The following C11orf54 variants were observed in gnomAD, a reference collection of about 807,000 sequenced individuals.
C11orf54 encodes beta-keto-L-gulonate decarboxylase.
C11orf54 carries 29 observed loss-of-function variants against 35.5 expected under a neutral mutation model. That is an observed-to-expected ratio of 0.82 (90% CI 0.61 to 1.11). The LOEUF (loss-of-function observed/expected upper bound fraction) is 1.11. Ranked by LOEUF, C11orf54 falls within the 50% of genes most tolerant of loss-of-function variation. C11orf54 has a pLI of 0.00. For missense variants in C11orf54, 373 were observed against 369.2 expected (o/e 1.01, Z -0.08); for synonymous variants, 108 against 121.1 (o/e 0.89, Z 0.71).
chr11:93,743,803 A>G (rs1284644736), intron 1 of C11orf54, among the ~76,000 whole-genome samples: 1 of 152,180 alleles, frequency 6.6e-6, no homozygotes, highest in Non-Finnish European at 1.5e-5. Context: ...CTACCCCTCC[A>G]GGTGTTAACC....
intron 2 of C11orf54, 65 bp from the exon 3 acceptor site, chr11:93,750,281 C>T (rs1942744918): frequency 7.5e-7 from 1 of 1,328,044 alleles, no homozygotes; most frequent in South Asian, 1.2e-5. Flanking sequence ...CCACATACCA[C>T]TTTTGATACG....
intron 3 of C11orf54, 142 bp from the exon 4 acceptor site, chr11:93,753,540 A>G: frequency 1.5e-6 from 1 of 677,148 alleles, no homozygotes; most frequent in East Asian, 2.7e-5. Flanking sequence ...CAGGGGTTCT[A>G]GCCACTATGT....
At position 93,764,444 on chromosome 11, in the gene C11orf54, C is replaced by T. The variant is rs78916458; in HGVS notation, c.*2756C>T. The T allele has an allele frequency of 2.0e-5, 3 of 152,066 alleles. No homozygotes were observed. Among genetic ancestry groups the T allele is most frequent in the South Asian group, 2.1e-4 (1 of 4,820 alleles). 9.4% of individuals were successfully genotyped at this position (152,066 alleles called of 1,614,324 possible). A position where few individuals can be genotyped will look rare whatever the true frequency, so the allele number is the denominator to read the frequency against. On this transcript the variant is annotated 3_prime_UTR_variant, in exon 9 of 9. Transcript: ENST00000354421. ...GAACATCTATTTATATATTTTATTT[C>T]GTCCTTTTAAGTTTCTGTGGTTTTG...
intron 5 of C11orf54, 44 bp downstream of exon 5, chr11:93,754,081 T>C: frequency 6.4e-7 from 1 of 1,550,962 alleles, no homozygotes; most frequent in Non-Finnish European, 8.8e-7. Context: ...TGGTTTGACA[T>C]TTGGTTTGTC....
intron 2 of C11orf54, 42 bp from the exon 3 acceptor site, chr11:93,750,304 T>G: frequency 6.4e-7 from 1 of 1,564,462 alleles, no homozygotes; most frequent in Non-Finnish European, 8.8e-7. Flanking sequence ...GTAGCCAAGT[T>G]TTTACCTAAT....
chr11:93,750,680 T>G (rs781634434), intron 3 of C11orf54, among the ~76,000 whole-genome samples: 3 of 152,240 alleles, frequency 2.0e-5, no homozygotes, highest in Non-Finnish European at 2.9e-5. Flanking sequence ...GATTGTAGAA[T>G]AGATATCCAA....
intron 2 of C11orf54, among the ~76,000 whole-genome samples, chr11:93,750,088 C>T (rs1942731344): frequency 6.6e-6 from 1 of 152,232 alleles, no homozygotes; most frequent in South Asian, 2.1e-4. Flanking sequence ...AGGTAATCCT[C>T]ACCCTCACAC....
intron 2 of C11orf54, among the ~76,000 whole-genome samples, chr11:93,747,950 G>A (rs1942573333): frequency 6.6e-6 from 1 of 152,114 alleles, no homozygotes; most frequent in Admixed American, 6.5e-5. Flanking sequence ...AGGGAAGATA[G>A]TCAAAAAAAG....
In C11orf54 at chr11:93,757,360, T is replaced by C; in HGVS notation, c.552T>C (p.Phe184=). The part of the protein sequence containing the change: ...KAKRRTGPLN[F]VTCMRETLEK... ...AAAGAAGAACTGGACCACTTAACTT[T>C]GTGACTTGTATGAGAGAGACCCTGG... The change falls in exon 7 of 9, where the codon TTT becomes TTC. Residue 184 remains phenylalanine, a synonymous_variant. Transcript: ENST00000354421. 1 of 1,598,300 alleles carries C rather than the reference T, an allele frequency of 6.3e-7. No homozygotes were observed. Among genetic ancestry groups the C allele is most frequent in the Non-Finnish European group, 8.5e-7 (1 of 1,179,766 alleles).
At chr11:93,744,325 T>G (rs1289072653) in intron 1 of C11orf54, among the ~76,000 whole-genome samples, 3 of 152,218 alleles carry the variant, frequency 2.0e-5, no homozygotes, top group Non-Finnish European at 4.4e-5. Context: ...TGTTTCTACT[T>G]TGGTAGGGAC....
rs1354949383 is a variant in C11orf54, at chr11:93,764,404, G to C, written c.*2716G>C. Reference sequence around the variant, plus strand: ...AGCAGGTACACATGACCTTCCAAGGGGTGTGGGAATATTAGAACATCTATT... The same window carrying C: ...AGCAGGTACACATGACCTTCCAAGGCGTGTGGGAATATTAGAACATCTATT... On this transcript the variant is annotated 3_prime_UTR_variant, in exon 9 of 9. Transcript: ENST00000354421. 6.6e-6 allele frequency: 1 copy of C among 151,996 alleles called. No homozygotes were observed. Among genetic ancestry groups the C allele is most frequent in the African/African-American group, 2.4e-5 (1 of 41,368 alleles). The allele number at this position is 151,996 out of a possible 1,614,324, so 9.4% of individuals were successfully genotyped here.
At chr11:93,749,368 G>A (rs1189469787) in intron 2 of C11orf54, among the ~76,000 whole-genome samples, 1 of 151,892 alleles carries the variant, frequency 6.6e-6, no homozygotes, top group Non-Finnish European at 1.5e-5. Flanking sequence ...TGTAGTCCCA[G>A]CTACTGGGGA....
rs750120025 is a variant in C11orf54 at position 93,753,955 on chromosome 11, T to C, written c.248T>C (p.Ile83Thr). 9 of 1,613,922 alleles carry C rather than the reference T, an allele frequency of 5.6e-6. No homozygotes were observed. Among genetic ancestry groups the C allele is most frequent in the Non-Finnish European group, 7.6e-6 (9 of 1,179,950 alleles). ...NQKKVYDLNK[I>T]AKEIKLPGAF... ...CTATAGGTTTATGATCTGAATAAAA[T>C]TGCAAAAGAAATCAAGCTGCCTGGA... is the stretch of plus-strand genomic sequence containing the variant. The change falls in exon 5 of 9, where the codon ATT becomes ACT. Residue 83 changes from isoleucine (I) to threonine (T), a missense_variant. Coordinates refer to ENST00000354421, the MANE Select transcript of C11orf54 (RefSeq NM_001286069.2).
chr11:93,750,533 AC>A lies in C11orf54; in HGVS notation c.154+90del, dbSNP rs1219079626. 8.8e-6 allele frequency: 9 copies of A among 1,022,404 alleles called. No individual in the cohort carries two copies. In the Admixed American group the frequency reaches 1.4e-4, roughly 16 times the overall value. 63.3% of individuals were successfully genotyped at this position (1,022,404 alleles called of 1,614,324 possible). ...TTTTTAAGGACATCTTAAATTATCT[AC>A]AAATAAAGGATATTGTCACAACATT... is the stretch of plus-strand genomic sequence containing the variant. On this transcript the variant is annotated intron_variant, in intron 3 of 8. Transcript: ENST00000354421.
At chr11:93,750,261 G>T in intron 2 of C11orf54, 85 bp from the exon 3 acceptor site, 2 of 935,740 alleles carry the variant, frequency 2.1e-6, no homozygotes, top group Non-Finnish European at 1.7e-6. Context: ...GATTGGGAGT[G>T]TGTTGAGAGC....
intron 8 of C11orf54, among the ~76,000 whole-genome samples, chr11:93,760,240 C>T (rs970521243): frequency 6.6e-6 from 1 of 152,056 alleles, no homozygotes; most frequent in African/African-American, 2.4e-5. Flanking sequence ...CCACCATGCC[C>T]GGCCATGTGT....
In C11orf54 at chr11:93,759,685, T is replaced by A. The variant is rs1402791267; in HGVS notation, c.658-57T>A. On this transcript the variant is annotated intron_variant, in intron 7 of 8. Coordinates refer to ENST00000354421, the MANE Select transcript of C11orf54 (RefSeq NM_001286069.2). ...AAATAAGTAAAATATATTTTTAAAA[T>A]TTTTAATTCTTAGTAATATTCAGTA... 9.3e-6 allele frequency: 8 copies of A among 860,608 alleles called. No homozygotes were observed. The Admixed American group carries it at 1.9e-4, about 20-fold the overall frequency. The allele number at this position is 860,608 out of a possible 1,614,324, so 53.3% of individuals were successfully genotyped here.
rs775473248 is a variant in C11orf54, at chr11:93,763,598, A to T, written c.*1910A>T. The T allele has an allele frequency of 6.6e-5, 10 of 152,104 alleles. No homozygotes were observed. Among genetic ancestry groups the T allele is most frequent in the East Asian group, 1.9e-4 (1 of 5,172 alleles). The allele number at this position is 152,104 out of a possible 1,614,324, so 9.4% of individuals were successfully genotyped here. On this transcript the variant is annotated 3_prime_UTR_variant, in exon 9 of 9. Transcript: ENST00000354421. ...CCATCTCTGCAAAAAAAGAAAAAAA[A>T]TTTTTTAATTATCTGGGCATGGTTG... is the stretch of plus-strand genomic sequence containing the variant.
intron 1 of C11orf54, among the ~76,000 whole-genome samples, chr11:93,743,145 C>T (rs1172048519): frequency 6.6e-6 from 1 of 151,766 alleles, no homozygotes; most frequent in African/African-American, 2.4e-5. Context: ...GGACTACACG[C>T]GCCCGCCACC....
Sources: gnomAD v4.1 joint callset for allele counts (sites outside exome capture counted in the v4.1 genomes callset) on GRCh38, gnomAD v4.1.1 for gene constraint, MANE v1.5 for transcripts, NCBI Gene and HGNC (gene_info 2026-07-23, HGNC 2026-07-21) for gene names.